The following PRKCA variants were observed in gnomAD, a reference collection of about 807,000 sequenced individuals.
The protein encoded by PRKCA is protein kinase C alpha type.
A neutral mutation model predicts 87.0 loss-of-function variants in PRKCA; 27 were observed. That is an observed-to-expected ratio of 0.31 (90% CI 0.23 to 0.43). The LOEUF (loss-of-function observed/expected upper bound fraction) is 0.43, where lower values mean the gene tolerates loss of function less well. Among genes scored for constraint, PRKCA ranks in the 20% least tolerant of loss-of-function variants. The pLI, the probability that PRKCA is intolerant of heterozygous loss-of-function variation, is 1.00. For missense variants in PRKCA, 518 were observed against 852.3 expected, an observed-to-expected ratio of 0.61 and a Z score of 4.88; for synonymous variants, 329 against 311.1, an observed-to-expected ratio of 1.06 and a Z score of -0.61.
intron 8 of PRKCA, among the ~76,000 whole-genome samples, chr17:66,713,371 T>C (rs1973387156): frequency 6.6e-6 from 1 of 151,948 alleles, no homozygotes; most frequent in African/African-American, 2.4e-5. Context: ...TCTAAACCAC[T>C]CCCGGGCCCC....
At chr17:66,340,548 G>T (rs186757786) in intron 2 of PRKCA, among the ~76,000 whole-genome samples, 15 of 152,034 alleles carry the variant, frequency 9.9e-5, no homozygotes, top group African/African-American at 3.6e-4. Flanking sequence ...TTAATTTGGC[G>T]TAAGTGTGAT....
At chr17:66,550,313 C>T (rs2143209533) in intron 3 of PRKCA, among the ~76,000 whole-genome samples, 1 of 152,266 alleles carries the variant, frequency 6.6e-6, no homozygotes, top group South Asian at 2.1e-4. Context: ...TCTGCACAGA[C>T]TGTCCCTTGT....
chr17:66,550,486 T>C (rs1405150789), intron 3 of PRKCA, among the ~76,000 whole-genome samples: 1 of 152,076 alleles, frequency 6.6e-6, no homozygotes, highest in African/African-American at 2.4e-5. Flanking sequence ...CCATGTCTAC[T>C]AAAAATACAA....
At chr17:66,627,392 C>T (rs796278906) in intron 3 of PRKCA, among the ~76,000 whole-genome samples, 6 of 152,080 alleles carry the variant, frequency 3.9e-5, no homozygotes, top group African/African-American at 7.2e-5. Context: ...ACACATTTAA[C>T]GCCACAAGGG....
At chr17:66,729,608 A>G (rs1369701627) in intron 8 of PRKCA, among the ~76,000 whole-genome samples, 1 of 151,964 alleles carries the variant, frequency 6.6e-6, no homozygotes, top group South Asian at 2.1e-4. Context: ...TTTCCACTAC[A>G]TGCTGCCAAC....
At chr17:66,431,680 A>G (rs1913106431) in intron 2 of PRKCA, among the ~76,000 whole-genome samples, 1 of 152,074 alleles carries the variant, frequency 6.6e-6, no homozygotes, top group Non-Finnish European at 1.5e-5. Context: ...CTTCCCCTCC[A>G]TTGTATTACT....
intron 2 of PRKCA, among the ~76,000 whole-genome samples, chr17:66,475,985 C>T (rs1271439636): frequency 6.6e-6 from 1 of 152,174 alleles, no homozygotes; most frequent in South Asian, 2.1e-4. Context: ...GCAACCTCTG[C>T]CTCCCAGGTT....
intron 2 of PRKCA, among the ~76,000 whole-genome samples, chr17:66,331,521 T>C (rs1906323678): frequency 6.6e-6 from 1 of 152,174 alleles, no homozygotes; most frequent in Non-Finnish European, 1.5e-5. Flanking sequence ...TTCATATTCA[T>C]TGTGAGTCGG....
At chr17:66,664,661 T>G (rs1339693172) in intron 5 of PRKCA, among the ~76,000 whole-genome samples, 3 of 142,882 alleles carry the variant, frequency 2.1e-5, no homozygotes, top group African/African-American at 5.2e-5. Flanking sequence ...TTTTTTTTTT[T>G]TTTTTTTTTT....
intron 3 of PRKCA, among the ~76,000 whole-genome samples, chr17:66,565,427 G>A (rs1385205161): frequency 6.6e-6 from 1 of 152,122 alleles, no homozygotes; most frequent in African/African-American, 2.4e-5. Context: ...GTGTTCTAAG[G>A]CACCCACCTA....
chr17:66,653,841 T>C (rs9915435), intron 5 of PRKCA, among the ~76,000 whole-genome samples: 85,359 of 148,836 alleles, frequency 0.57, 24,617 homozygotes, highest in Admixed American at 0.6. Flanking sequence ...TGCTCACATA[T>C]GAGAAACTAC....
At chr17:66,412,355 C>A (rs1379397899) in intron 2 of PRKCA, among the ~76,000 whole-genome samples, 5 of 152,072 alleles carry the variant, frequency 3.3e-5, no homozygotes, top group Non-Finnish European at 5.9e-5. Flanking sequence ...CTGCACCTGG[C>A]CTATTTTTAA....
chr17:66,361,342 C>T (rs969322824), intron 2 of PRKCA, among the ~76,000 whole-genome samples: 1 of 149,894 alleles, frequency 6.7e-6, no homozygotes, highest in Non-Finnish European at 1.5e-5. Context: ...GACAGGGTCT[C>T]GCTCTGTTGC....
intron 3 of PRKCA, among the ~76,000 whole-genome samples, chr17:66,564,025 T>TCTTTCTTCCTCTCTTC (rs1318224822): frequency 7.5e-6 from 1 of 133,698 alleles, no homozygotes; most frequent in African/African-American, 2.5e-5. Flanking sequence ...TCTCTCTCTT[T>TCTTTCTTCCTCTCTTC]CTTTCTTCCT....
At chr17:66,706,867 G>A (rs943310041) in intron 8 of PRKCA, among the ~76,000 whole-genome samples, 1 of 152,148 alleles carries the variant, frequency 6.6e-6, no homozygotes, top group African/African-American at 2.4e-5. Context: ...CTAAATGTAT[G>A]CCCTCTGGTC....
At chr17:66,663,637 C>G (rs771791226) in intron 5 of PRKCA, among the ~76,000 whole-genome samples, 28 of 152,112 alleles carry the variant, frequency 1.8e-4, no homozygotes, top group Non-Finnish European at 3.5e-4. Context: ...TCACCTTGTT[C>G]TCTAAGAAAA....
chr17:66,748,774 G>A (rs56241335), intron 13 of PRKCA, among the ~76,000 whole-genome samples: 17 of 152,230 alleles, frequency 1.1e-4, no homozygotes, highest in Admixed American at 2.6e-4. Flanking sequence ...CATCATTTAC[G>A]TGGCAGAAAC....
At chr17:66,514,504 C>T (rs982933088) in intron 3 of PRKCA, among the ~76,000 whole-genome samples, 1 of 152,176 alleles carries the variant, frequency 6.6e-6, no homozygotes, top group African/African-American at 2.4e-5. Flanking sequence ...GCGACTTGAA[C>T]TGAATAGGAG....
intron 2 of PRKCA, among the ~76,000 whole-genome samples, chr17:66,433,179 G>A (rs941265589): frequency 2.6e-5 from 4 of 152,162 alleles, no homozygotes. Flanking sequence ...TAGCTGGGAT[G>A]CTTTTGGAAG....
Sources: gnomAD v4.1 joint callset for allele counts (sites outside exome capture counted in the v4.1 genomes callset) on GRCh38, gnomAD v4.1.1 for gene constraint, MANE v1.5 for transcripts, NCBI Gene and HGNC (gene_info 2026-07-23, HGNC 2026-07-21) for gene names.